Variants in APP observed in about 807,000 individuals in gnomAD.
APP encodes amyloid beta precursor protein, also known as amyloid-beta precursor protein.
Under a neutral mutation model 101.4 loss-of-function variants are expected in APP, and 31 were observed. That is an observed-to-expected ratio of 0.31 (90% CI 0.23 to 0.41). The LOEUF (loss-of-function observed/expected upper bound fraction) is 0.41, where lower values mean the gene tolerates loss of function less well. Ranked by LOEUF, APP falls within the 10% of genes least tolerant of loss-of-function variation. The pLI is 1.00. For missense variants in APP, 839 were observed against 1,003.7 expected (o/e 0.84, Z 2.22); for synonymous variants, 366 against 364.4 (o/e 1.00, Z -0.05).
chr21:25,990,626 G>T (rs1427969960), intron 8 of APP, among the ~76,000 whole-genome samples: 1 of 152,188 alleles, frequency 6.6e-6, no homozygotes, highest in Non-Finnish European at 1.5e-5. Flanking sequence ...CATATAAACT[G>T]TAGCAGTAAA....
chr21:26,084,278 C>G (rs544230287), intron 3 of APP, among the ~76,000 whole-genome samples: 13 of 138,814 alleles, frequency 9.4e-5, no homozygotes, highest in South Asian at 4.4e-4. Context: ...TCGCTCTGTC[C>G]CCCAGGCTGG....
At chr21:25,980,343 T>C (rs1003012308) in intron 9 of APP, among the ~76,000 whole-genome samples, 3 of 152,198 alleles carry the variant, frequency 2.0e-5, no homozygotes, top group Non-Finnish European at 2.9e-5. Context: ...GAAAGCTTCA[T>C]AAAGAAGGGA....
chr21:26,150,491 A>G (rs1370828306), intron 1 of APP, among the ~76,000 whole-genome samples: 3 of 152,142 alleles, frequency 2.0e-5, no homozygotes, highest in African/African-American at 7.2e-5. Context: ...GCATATTCTG[A>G]TCCCCTTCAT....
intron 5 of APP, among the ~76,000 whole-genome samples, chr21:26,037,866 A>G (rs552761391): frequency 5.3e-5 from 8 of 152,218 alleles, no homozygotes; most frequent in Non-Finnish European, 1.0e-4. Flanking sequence ...AAACGAATGA[A>G]TAGTATATTC....
intron 13 of APP, among the ~76,000 whole-genome samples, chr21:25,925,540 T>A (rs1026370394): frequency 3.3e-5 from 5 of 152,144 alleles, no homozygotes; most frequent in Non-Finnish European, 7.3e-5. Context: ...TCATGCATGT[T>A]ACCATCTGAG....
intron 11 of APP, among the ~76,000 whole-genome samples, chr21:25,972,645 C>G (rs111654634): frequency 7.6e-6 from 1 of 132,282 alleles, no homozygotes; most frequent in Non-Finnish European, 1.6e-5. Flanking sequence ...CAAGTGATCT[C>G]CTATCTCAAC....
intron 5 of APP, among the ~76,000 whole-genome samples, chr21:26,030,257 G>A (rs548843050): frequency 6.6e-6 from 1 of 152,344 alleles, no homozygotes; most frequent in Admixed American, 6.5e-5. Context: ...AAGAATTAAG[G>A]ATGTAAGATG....
intron 15 of APP, 30 bp from the exon 16 acceptor site, chr21:25,897,703 GACA>G: frequency 6.4e-7 from 1 of 1,555,076 alleles, no homozygotes; most frequent in Admixed American, 1.7e-5. Context: ...AAGTATGCAG[GACA>G]ACCAATTAGT....
At chr21:26,031,698 A>AC (rs1488275809) in intron 5 of APP, among the ~76,000 whole-genome samples, 16 of 496 alleles carry the variant, frequency 0.032, no homozygotes, top group Non-Finnish European at 0.05. Context: ...TGAATCAATT[A>AC]CCTCCCCTGG....
chr21:25,968,322 CTTTT>C (rs34021818), intron 11 of APP, among the ~76,000 whole-genome samples: 9 of 113,860 alleles, frequency 7.9e-5, no homozygotes, highest in Middle Eastern at 4.1e-3. Flanking sequence ...TTAAAAAAAT[CTTTT>C]TTTTTTTTTT....
At chr21:26,036,144 C>T (rs540903523) in intron 5 of APP, among the ~76,000 whole-genome samples, 1 of 151,882 alleles carries the variant, frequency 6.6e-6, no homozygotes, top group South Asian at 2.1e-4. Context: ...TCAGGAAGAG[C>T]GAGCCAGAAA....
intron 2 of APP, among the ~76,000 whole-genome samples, chr21:26,094,601 ATAAAGATATAAATATAGTTCATTTATATT>A (rs1319858923): frequency 2.0e-5 from 3 of 149,094 alleles, no homozygotes; most frequent in African/African-American, 7.3e-5. Flanking sequence ...TAGCTCATTT[ATAAAGATATAAATATAGTTCATTTATATT>A]TAAAGATATA....
intron 3 of APP, among the ~76,000 whole-genome samples, chr21:26,085,606 A>C (rs2061687949): frequency 6.6e-6 from 1 of 152,156 alleles, no homozygotes. Context: ...GTGAACTCTC[A>C]TGTGACATTT....
intron 11 of APP, among the ~76,000 whole-genome samples, chr21:25,964,465 TC>T: frequency 6.6e-6 from 1 of 152,332 alleles, no homozygotes; most frequent in South Asian, 2.1e-4. Flanking sequence ...ATAGGAGGAA[TC>T]CCTTTATTAA....
intron 1 of APP, among the ~76,000 whole-genome samples, chr21:26,115,240 A>T (rs541312740): frequency 3.0e-4 from 46 of 152,352 alleles, no homozygotes; most frequent in African/African-American, 1.0e-3. Context: ...TTGTGTGTAT[A>T]GATCTTCTTA....
chr21:26,105,875 G>A (rs1157943553), intron 2 of APP, among the ~76,000 whole-genome samples: 1 of 152,172 alleles, frequency 6.6e-6, no homozygotes, highest in Non-Finnish European at 1.5e-5. Context: ...CTGTGTTGCA[G>A]CACTGGGGTC....
At chr21:25,942,375 T>C (rs2040611520) in intron 13 of APP, 1 of 152,098 alleles carries the variant, frequency 6.6e-6, no homozygotes, top group Non-Finnish European at 1.5e-5. Flanking sequence ...TATTACATGG[T>C]TTTCCTGAGC....
At chr21:26,087,474 A>C (rs541253958) in intron 3 of APP, among the ~76,000 whole-genome samples, 27 of 152,370 alleles carry the variant, frequency 1.8e-4, no homozygotes, top group African/African-American at 6.5e-4. Context: ...AATTTGCTTA[A>C]CATGTCACAA....
intron 1 of APP, among the ~76,000 whole-genome samples, chr21:26,154,752 T>C (rs2063341618): frequency 6.6e-6 from 1 of 152,170 alleles, no homozygotes; most frequent in Admixed American, 6.5e-5. Flanking sequence ...CAACTCAACA[T>C]CTCCAGATAT....
Sources: allele counts gnomAD v4.1 joint callset (sites outside exome capture counted in the v4.1 genomes callset), GRCh38; gene constraint gnomAD v4.1.1; transcripts MANE v1.5; gene names NCBI Gene and HGNC (gene_info 2026-07-23, HGNC 2026-07-21).